Variants in BLOC1S5 observed in about 807,000 individuals in gnomAD.
BLOC1S5 encodes biogenesis of lysosome-related organelles complex 1 subunit 5.
Under a neutral mutation model 24.3 loss-of-function variants are expected in BLOC1S5, and 27 were observed. The ratio of observed to expected loss-of-function variants is 1.11; its 90% confidence interval spans 0.82 to 1.53. The LOEUF is 1.53. Ranked by LOEUF, BLOC1S5 falls within the 40% of genes most tolerant of loss-of-function variation. The pLI, the probability that BLOC1S5 is intolerant of heterozygous loss-of-function variation, is 0.00. For synonymous variants in BLOC1S5, 84 were observed against 74.5 expected (o/e 1.13, Z -0.66); for missense variants, 239 against 229.4 (o/e 1.04, Z -0.27).
Position 8,048,873 on chromosome 6 carries a change from C to T in BLOC1S5, c.196-7605G>A, listed in dbSNP as rs190109822. On this transcript the variant is annotated intron_variant, in intron 2 of 4. Transcript: ENST00000397457. ...ACTAAAAATACAAAAATTAGCTGGGCATGGTGGTGTACGCCTGTAATACCA... is the reference window on the plus strand; with the variant it reads ...ACTAAAAATACAAAAATTAGCTGGGTATGGTGGTGTACGCCTGTAATACCA... 2.7e-5 allele frequency among the ~76,000 whole-genome samples: 4 copies of T among 150,530 alleles called. No homozygotes were observed. The East Asian group carries it at 7.9e-4, about 30-fold the overall frequency.
intron 2 of BLOC1S5, among the ~76,000 whole-genome samples, chr6:8,047,133 A>G (rs1349513072): frequency 7.1e-5 from 9 of 127,498 alleles, no homozygotes; most frequent in South Asian, 2.3e-4. Context: ...TAAACAAACA[A>G]TAAGACCACC....
chr6:8,027,337 T>C (rs999778204), intron 3 of BLOC1S5: 9 of 456,604 alleles, frequency 2.0e-5, no homozygotes, highest in African/African-American at 1.2e-4. Flanking sequence ...TTACTGAGCA[T>C]GTGCTTTGTG....
intron 3 of BLOC1S5, among the ~76,000 whole-genome samples, chr6:8,036,785 A>G (rs1211843291): frequency 2.6e-5 from 4 of 152,196 alleles, no homozygotes; most frequent in African/African-American, 9.6e-5. Flanking sequence ...ACAAAATAGT[A>G]GCAAACCAAA....
At chr6:8,041,311 CCT>C in intron 2 of BLOC1S5, 43 bp from the exon 3 acceptor site, 1 of 771,494 alleles carries the variant, frequency 1.3e-6, no homozygotes, top group Non-Finnish European at 1.7e-6. Flanking sequence ...GGTGTCTTTT[CCT>C]TTTTTTTTTT....
rs1416852313 is a variant in BLOC1S5, at chr6:8,014,534, A to G, written c.*1115T>C. ...AATGATCCGCCTGCCTCGGCCTCCC[A>G]AAGTGTTGAGATTACAGGTGTGAGC... On this transcript the variant is annotated 3_prime_UTR_variant, in exon 5 of 5. Coordinates refer to ENST00000397457, the MANE Select transcript of BLOC1S5 (RefSeq NM_201280.3). The G allele has an allele frequency of 6.6e-6, 1 of 152,212 alleles. No individual in the cohort carries two copies. Among genetic ancestry groups the G allele is most frequent in the Non-Finnish European group, 1.5e-5 (1 of 68,072 alleles). 9.4% of individuals were successfully genotyped at this position (152,212 alleles called of 1,614,324 possible). A position where few individuals can be genotyped will look rare whatever the true frequency, so the allele number is the denominator to read the frequency against.
At chr6:8,029,727 C>T (rs377351755) in intron 3 of BLOC1S5, among the ~76,000 whole-genome samples, 8 of 152,188 alleles carry the variant, frequency 5.3e-5, no homozygotes, top group Non-Finnish European at 2.9e-5. Context: ...TATCCCTTTG[C>T]GGACCTCCCC....
At chr6:8,040,619 G>A (rs1398420424) in intron 3 of BLOC1S5, among the ~76,000 whole-genome samples, 1 of 152,224 alleles carries the variant, frequency 6.6e-6, no homozygotes, top group Non-Finnish European at 1.5e-5. Flanking sequence ...CAGCACTTGG[G>A]AGGCCGAGGC....
chr6:8,064,285 G>T lies in BLOC1S5; in HGVS notation c.92C>A (p.Ser31Ter). Residue 31 changes from serine (S) to a stop codon, truncating the protein, a stop_gained, in exon 1 of 5, where the codon TCA becomes TAA. Coordinates refer to ENST00000397457, the MANE Select transcript of BLOC1S5 (RefSeq NM_201280.3). LOFTEE classifies it high-confidence loss of function. ...KKRDSLGTAG[S>*]AHLIIKDLGE... ...CGTACCCTTGATAATGAGGTGCGCT[G>T]AGCCCGCAGTCCCCAGGGAGTCCCT... 1 of 1,613,772 alleles carries T rather than the reference G, an allele frequency of 6.2e-7. No homozygotes were observed. The highest frequency in any genetic ancestry group is 8.5e-7 in the Non-Finnish European group (1 of 1,179,822).
intron 3 of BLOC1S5, among the ~76,000 whole-genome samples, chr6:8,027,895 T>C (rs901579477): frequency 6.6e-6 from 1 of 152,068 alleles, no homozygotes; most frequent in Non-Finnish European, 1.5e-5. Flanking sequence ...TATTGTACTA[T>C]CCCTAAAGAA....
intron 2 of BLOC1S5, among the ~76,000 whole-genome samples, chr6:8,046,394 T>C (rs1190083442): frequency 1.3e-5 from 2 of 152,182 alleles, no homozygotes; most frequent in African/African-American, 2.4e-5. Context: ...GAATTATCTG[T>C]ACTATCTTTG....
intron 2 of BLOC1S5, among the ~76,000 whole-genome samples, chr6:8,061,950 T>C (rs1764528299): frequency 1.3e-5 from 2 of 152,150 alleles, no homozygotes; most frequent in Non-Finnish European, 2.9e-5. Context: ...TGGACAGAAA[T>C]AGTATCAAAG....
chr6:8,038,676 G>C (rs1409524597), intron 3 of BLOC1S5, among the ~76,000 whole-genome samples: 1 of 152,170 alleles, frequency 6.6e-6, no homozygotes, highest in East Asian at 1.9e-4. Flanking sequence ...AGTAGAGACA[G>C]GGTTTCACTG....
intron 4 of BLOC1S5, 69 bp from the exon 5 acceptor site, chr6:8,015,897 T>C (rs2113502009): frequency 7.2e-7 from 1 of 1,383,464 alleles, no homozygotes; most frequent in East Asian, 2.4e-5. Context: ...TATCTCTTGA[T>C]ACTTGGTTAC....
intron 3 of BLOC1S5, among the ~76,000 whole-genome samples, chr6:8,036,132 G>C (rs1763477759): frequency 6.6e-6 from 1 of 152,028 alleles, no homozygotes; most frequent in Admixed American, 6.6e-5. Flanking sequence ...AATGAGTCAG[G>C]GAAGAAATTA....
chr6:8,057,124 C>T (rs1764338380), intron 2 of BLOC1S5, among the ~76,000 whole-genome samples: 1 of 152,036 alleles, frequency 6.6e-6, no homozygotes, highest in Admixed American at 6.6e-5. Context: ...GAGGCTGAGG[C>T]CGGAGAATCG....
chr6:8,047,438 G>T (rs143669710), intron 2 of BLOC1S5, among the ~76,000 whole-genome samples: 1 of 151,954 alleles, frequency 6.6e-6, no homozygotes, highest in Non-Finnish European at 1.5e-5. Flanking sequence ...TGTTGACCAC[G>T]CCTGGCCAAC....
chr6:8,045,511 A>C (rs1355341019), intron 2 of BLOC1S5, among the ~76,000 whole-genome samples: 1 of 152,094 alleles, frequency 6.6e-6, no homozygotes, highest in African/African-American at 2.4e-5. Flanking sequence ...AGAATGGTAG[A>C]TCCACCGACA....
At chr6:8,037,651 C>T (rs1328607894) in intron 3 of BLOC1S5, among the ~76,000 whole-genome samples, 1 of 151,920 alleles carries the variant, frequency 6.6e-6, no homozygotes, top group Non-Finnish European at 1.5e-5. Context: ...CACGAAAGAC[C>T]CTGAATAGCC....
rs1229966063 is a variant in BLOC1S5 at position 8,064,266 on chromosome 6, C to T, written c.111G>A (p.Lys37=). Reference sequence around the variant, plus strand: ...AACTATAGCCCTGACACTCCGTACCCTTGATAATGAGGTGCGCTGAGCCCG... The same window carrying T: ...AACTATAGCCCTGACACTCCGTACCTTTGATAATGAGGTGCGCTGAGCCCG... ...GTAGSAHLII[K]DLGEIHSRLL... is the part of the protein sequence containing the mutation. Residue 37 remains lysine (K), a splice_region_variant and synonymous_variant, in exon 1 of 5, where the codon AAG becomes AAA. Transcript: ENST00000397457. 6.8e-6 allele frequency: 11 copies of T among 1,612,794 alleles called. No individual in the cohort carries two copies. Among genetic ancestry groups the T allele is most frequent in the Non-Finnish European group, 9.3e-6 (11 of 1,179,316 alleles).
Sources: gnomAD v4.1 joint callset for allele counts (sites outside exome capture counted in the v4.1 genomes callset) on GRCh38, gnomAD v4.1.1 for gene constraint, MANE v1.5 for transcripts, NCBI Gene and HGNC (gene_info 2026-07-23, HGNC 2026-07-21) for gene names.